The following TOP6BL variants were observed in gnomAD, a reference collection of about 807,000 sequenced individuals.
TOP6BL encodes TOP6B like initiator of meiotic double strand breaks, also known as type 2 DNA topoisomerase 6 subunit B-like.
the TOP6BL span, among the ~76,000 whole-genome samples, chr11:66,783,642 C>T: frequency 2.0e-5 from 3 of 151,886 alleles, no homozygotes; most frequent in African/African-American, 7.3e-5. Flanking sequence ...GCCTGCTTGA[C>T]GTTTGGTAAA....
chr11:66,747,484 TAC>T, the TOP6BL span, among the ~76,000 whole-genome samples: 1 of 152,042 alleles, frequency 6.6e-6, no homozygotes, highest in Non-Finnish European at 1.5e-5. Flanking sequence ...GTGCTGGGAT[TAC>T]AGGCATGAGC....
chr11:66,812,907 G>A, the TOP6BL span, among the ~76,000 whole-genome samples: 1 of 151,968 alleles, frequency 6.6e-6, no homozygotes, highest in African/African-American at 2.4e-5. Context: ...ACTGCCCACC[G>A]CAGTGAAGAA....
the TOP6BL span, among the ~76,000 whole-genome samples, chr11:66,772,274 G>C: frequency 6.6e-6 from 1 of 152,138 alleles, no homozygotes; most frequent in Non-Finnish European, 1.5e-5. Context: ...TGCTAAACTA[G>C]CCTGGGAAAC....
chr11:66,770,110 C>G, the TOP6BL span, among the ~76,000 whole-genome samples: 1 of 152,046 alleles, frequency 6.6e-6, no homozygotes, highest in Non-Finnish European at 1.5e-5. Flanking sequence ...CCTCTCCCTC[C>G]CTTGTATCCA....
chr11:66,821,616 A>G, the TOP6BL span: 7 of 1,575,552 alleles, frequency 4.4e-6, 1 homozygote. Context: ...AGATATAGTG[A>G]TAATTTTACC....
At chr11:66,778,430 C>T in the TOP6BL span, among the ~76,000 whole-genome samples, 1 of 152,096 alleles carries the variant, frequency 6.6e-6, no homozygotes, top group African/African-American at 2.4e-5. Context: ...CACAGCACTG[C>T]ACTCTAGCCC....
At chr11:66,825,990 C>T in the TOP6BL span, among the ~76,000 whole-genome samples, 9 of 151,968 alleles carry the variant, frequency 5.9e-5, 1 homozygote, top group South Asian at 2.1e-4. Context: ...TACAGGCGCC[C>T]GCCACCACGC....
the TOP6BL span, among the ~76,000 whole-genome samples, chr11:66,793,337 C>T: frequency 6.6e-6 from 1 of 151,914 alleles, no homozygotes. Context: ...AAGTGATCTG[C>T]CCGCCTCAGC....
chr11:66,797,142 G>A, the TOP6BL span, among the ~76,000 whole-genome samples: 6 of 151,854 alleles, frequency 4.0e-5, no homozygotes, highest in Non-Finnish European at 5.9e-5. Context: ...TGGGATTACA[G>A]GTGTGCACCA....
At chr11:66,794,643 C>G in the TOP6BL span, among the ~76,000 whole-genome samples, 1 of 152,010 alleles carries the variant, frequency 6.6e-6, no homozygotes, top group Admixed American at 6.6e-5. Flanking sequence ...AAAATCATCA[C>G]CTAGTGGTAA....
the TOP6BL span, among the ~76,000 whole-genome samples, chr11:66,786,936 TG>T: frequency 2.8e-5 from 4 of 140,828 alleles, no homozygotes; most frequent in East Asian, 4.1e-4. Flanking sequence ...ATTTTTGTTT[TG>T]TTTTTTTTTT....
At chr11:66,833,380 C>T in the TOP6BL span, among the ~76,000 whole-genome samples, 17 of 152,130 alleles carry the variant, frequency 1.1e-4, no homozygotes, top group East Asian at 3.1e-3. Flanking sequence ...TCCTGTCTTG[C>T]GATCTGGAAT....
chr11:66,786,312 A>T, the TOP6BL span, among the ~76,000 whole-genome samples: 8 of 151,416 alleles, frequency 5.3e-5, no homozygotes, highest in Non-Finnish European at 8.8e-5. Context: ...AAAAAAAAAA[A>T]TTTCTGTTTT....
At chr11:66,810,880 T>G in the TOP6BL span, among the ~76,000 whole-genome samples, 1 of 131,326 alleles carries the variant, frequency 7.6e-6, no homozygotes, top group African/African-American at 3.4e-5. Context: ...AAAACAAGTC[T>G]TGAAGTCTCT....
At chr11:66,819,907 A>C in the TOP6BL span, among the ~76,000 whole-genome samples, 1 of 140,788 alleles carries the variant, frequency 7.1e-6, no homozygotes, top group Non-Finnish European at 1.6e-5. Flanking sequence ...CTTGTCTTAA[A>C]AAAAAAAAAA....
the TOP6BL span, among the ~76,000 whole-genome samples, chr11:66,824,141 T>C: frequency 6.6e-6 from 1 of 152,220 alleles, no homozygotes; most frequent in Non-Finnish European, 1.5e-5. Context: ...AATTCATATG[T>C]TGAAATCCTA....
At chr11:66,762,256 C>G in the TOP6BL span, 1 of 536,394 alleles carries the variant, frequency 1.9e-6, no homozygotes, top group East Asian at 3.4e-5. Flanking sequence ...AGAACACGCG[C>G]GCAAACTGAG....
the TOP6BL span, chr11:66,761,990 T>C: frequency 1.3e-6 from 2 of 1,569,352 alleles, no homozygotes; most frequent in Non-Finnish European, 1.8e-6. Flanking sequence ...CATCAAATGT[T>C]GGTGGGATGC....
chr11:66,776,501 C>T, the TOP6BL span, among the ~76,000 whole-genome samples: 1,645 of 152,176 alleles, frequency 0.011, 36 homozygotes, highest in African/African-American at 0.037. Flanking sequence ...TAAAAGTCTA[C>T]CACTGGCCGG....
Sources: gnomAD v4.1 joint callset for allele counts (sites outside exome capture counted in the v4.1 genomes callset) on GRCh38, gnomAD v4.1.1 for gene constraint, MANE v1.5 for transcripts, NCBI Gene and HGNC (gene_info 2026-07-23, HGNC 2026-07-21) for gene names.